ATRNL1: variants seen among roughly 807,000 people sequenced by gnomAD.
ATRNL1 encodes the protein attractin like 1.
In ATRNL1, 95 loss-of-function variants were observed where a neutral mutation model predicts 182.7. The ratio of observed to expected loss-of-function variants is 0.52; its 90% CI spans 0.44 to 0.62. The LOEUF (loss-of-function observed/expected upper bound fraction) is 0.62. Among genes scored for constraint, ATRNL1 ranks in the 20% least tolerant of loss-of-function variants. The probability of loss-of-function intolerance (pLI) is 0.00; values close to 1 mark genes in which losing one functional copy is unlikely to be tolerated. For missense variants in ATRNL1, 1,471 were observed against 1,679.5 expected (o/e 0.88, Z 2.17); for synonymous variants, 576 against 568.3 (o/e 1.01, Z -0.19).
chr10:115,459,517 C>T (rs1252726224), intron 21 of ATRNL1, among the ~76,000 whole-genome samples: 4 of 152,092 alleles, frequency 2.6e-5, no homozygotes, highest in Non-Finnish European at 5.9e-5. Flanking sequence ...TCCCATAGCG[C>T]TCCCAGGCTT....
chr10:115,831,165 C>T (rs1383680049), intron 27 of ATRNL1, among the ~76,000 whole-genome samples: 4 of 152,128 alleles, frequency 2.6e-5, no homozygotes, highest in African/African-American at 4.8e-5. Flanking sequence ...TGGTATTTCC[C>T]GGTTTGCTTC....
chr10:115,313,333 C>G (rs1422557673), intron 17 of ATRNL1, among the ~76,000 whole-genome samples: 1 of 151,848 alleles, frequency 6.6e-6, no homozygotes, highest in Non-Finnish European at 1.5e-5. Flanking sequence ...GAGAATGTGA[C>G]TTTAATGTTT....
At chr10:115,651,293 C>T (rs555404764) in intron 26 of ATRNL1, among the ~76,000 whole-genome samples, 2 of 152,248 alleles carry the variant, frequency 1.3e-5, no homozygotes, top group African/African-American at 4.8e-5. Context: ...TGGGATCATT[C>T]GTACCCTAAA....
At chr10:115,140,444 G>A (rs1222320864) in intron 5 of ATRNL1, among the ~76,000 whole-genome samples, 1 of 152,190 alleles carries the variant, frequency 6.6e-6, no homozygotes, top group Non-Finnish European at 1.5e-5. Context: ...ACTTTGTAAT[G>A]TGGACTAGAT....
At chr10:115,537,611 C>G (rs1852108603) in intron 25 of ATRNL1, among the ~76,000 whole-genome samples, 1 of 152,144 alleles carries the variant, frequency 6.6e-6, no homozygotes, top group South Asian at 2.1e-4. Flanking sequence ...TGAGTATTCT[C>G]ATACTTAAAG....
chr10:115,293,800 C>T (rs141126299), intron 15 of ATRNL1, among the ~76,000 whole-genome samples: 114 of 152,138 alleles, frequency 7.5e-4, no homozygotes, highest in African/African-American at 2.7e-3. Context: ...TTCCTCTTGG[C>T]CTTTATGGTT....
intron 8 of ATRNL1, among the ~76,000 whole-genome samples, chr10:115,205,192 A>G (rs1300988864): frequency 1.3e-5 from 2 of 152,020 alleles, no homozygotes; most frequent in Admixed American, 6.6e-5. Flanking sequence ...CCATTACAGT[A>G]TTAGAATATT....
In ATRNL1 at chr10:115,868,822, C is replaced by CTTTTTTTTTTTTTTTTTT. The variant is rs67676674; in HGVS notation, c.4018+20839_4018+20856dup. Among the ~76,000 whole-genome samples, 373 of 58,094 alleles carry CTTTTTTTTTTTTTTTTTT rather than the reference C, an allele frequency of 6.4e-3. 84 individuals carry two copies. Among genetic ancestry groups the CTTTTTTTTTTTTTTTTTT allele is most frequent in the Middle Eastern group, 0.056 (3 of 54 alleles). The allele number at this position is 58,094 out of a possible 152,430, so 38.1% of individuals were successfully genotyped here. On this transcript the variant is annotated intron_variant, in intron 28 of 28. Coordinates refer to ENST00000355044, the MANE Select transcript of ATRNL1 (RefSeq NM_207303.4). ...ATATATCTGGTGGCAAGTCTTTATT[C>CTTTTTTTTTTTTTTTTTT]TTTTTTTTTTTTTTTTTTTTTTTTT...
intron 20 of ATRNL1, among the ~76,000 whole-genome samples, chr10:115,419,569 A>G (rs613793): frequency 0.027 from 4,061 of 152,288 alleles, 216 homozygotes; most frequent in African/African-American, 0.094. Context: ...TTGAAAGTAA[A>G]TGGATGGGAA....
chr10:115,333,594 C>G (rs1206039923), intron 18 of ATRNL1, among the ~76,000 whole-genome samples: 2 of 151,018 alleles, frequency 1.3e-5, no homozygotes, highest in Non-Finnish European at 2.9e-5. Context: ...AGCGAATTCT[C>G]CTGCCTCAGC....
rs146936521 is a variant in ATRNL1 at position 115,679,484 on chromosome 10, T to A, written c.3796-47764T>A. ...CTCAGATCTGCTGTATTGCTTTGCT[T>A]TCTCTCCGCATACTTCACTCTCTAG... On this transcript the variant is annotated intron_variant, in intron 26 of 28. Coordinates refer to ENST00000355044, the MANE Select transcript of ATRNL1 (RefSeq NM_207303.4). 4.6e-5 allele frequency among the ~76,000 whole-genome samples: 7 copies of A among 152,172 alleles called. No homozygotes were observed. In the East Asian group the frequency reaches 1.4e-3, roughly 29 times the overall value.
chr10:115,825,521 C>T (rs1039185763), intron 27 of ATRNL1, among the ~76,000 whole-genome samples: 10 of 151,970 alleles, frequency 6.6e-5, no homozygotes, highest in Non-Finnish European at 1.2e-4. Context: ...TGATCTGCCA[C>T]CCCCACCCCC....
At chr10:115,421,510 A>G (rs1270004068) in intron 20 of ATRNL1, among the ~76,000 whole-genome samples, 4 of 152,146 alleles carry the variant, frequency 2.6e-5, no homozygotes, top group African/African-American at 9.7e-5. Flanking sequence ...CCATGATAAA[A>G]CCGCTGAAAA....
chr10:115,104,421 C>T (rs1843912282), intron 1 of ATRNL1, among the ~76,000 whole-genome samples: 1 of 152,024 alleles, frequency 6.6e-6, no homozygotes. Context: ...ATTGTTTGAG[C>T]TTATTATATA....
intron 10 of ATRNL1, among the ~76,000 whole-genome samples, chr10:115,255,204 G>A (rs1324851794): frequency 1.3e-5 from 2 of 152,144 alleles, no homozygotes; most frequent in Non-Finnish European, 2.9e-5. Context: ...GGATGGCATT[G>A]AATCTATAAA....
At chr10:115,813,349 G>T (rs1950091682) in intron 27 of ATRNL1, among the ~76,000 whole-genome samples, 1 of 152,112 alleles carries the variant, frequency 6.6e-6, no homozygotes, top group African/African-American at 2.4e-5. Context: ...TTGTTTCATT[G>T]TTTCTTAGAG....
chr10:115,129,861 T>G (rs1363369831), intron 5 of ATRNL1, among the ~76,000 whole-genome samples: 6 of 152,186 alleles, frequency 3.9e-5, no homozygotes, highest in Non-Finnish European at 8.8e-5. Context: ...CTGAATTTAA[T>G]GTGGTGCATT....
At chr10:115,783,614 T>C (rs1949322670) in intron 27 of ATRNL1, among the ~76,000 whole-genome samples, 1 of 152,228 alleles carries the variant, frequency 6.6e-6, no homozygotes, top group African/African-American at 2.4e-5. Context: ...CACATTCAAA[T>C]ATAATGTCAT....
chr10:115,475,567 G>C (rs1452988742), intron 24 of ATRNL1, among the ~76,000 whole-genome samples: 1 of 151,114 alleles, frequency 6.6e-6, no homozygotes, highest in Non-Finnish European at 1.5e-5. Context: ...CCATATTTGT[G>C]GTTTCAATCA....
Sources: gnomAD v4.1 joint callset for allele counts (sites outside exome capture counted in the v4.1 genomes callset) on GRCh38, gnomAD v4.1.1 for gene constraint, MANE v1.5 for transcripts, NCBI Gene and HGNC (gene_info 2026-07-23, HGNC 2026-07-21) for gene names.